The following TAFA1 variants were observed in gnomAD, a reference collection of about 807,000 sequenced individuals.
The protein encoded by TAFA1 is chemokine-like protein TAFA-1.
TAFA1 carries 4 observed loss-of-function variants against 18.5 expected under a neutral mutation model. That is an observed-to-expected ratio of 0.22 (90% CI 0.11 to 0.49). The LOEUF (loss-of-function observed/expected upper bound fraction) is 0.49, where lower values mean the gene tolerates loss of function less well. Among genes scored for constraint, TAFA1 ranks in the 20% least tolerant of loss-of-function variants. The pLI, the probability that TAFA1 is intolerant of heterozygous loss-of-function variation, is 0.98. For missense variants in TAFA1, 147 were observed against 169.0 expected (o/e 0.87, Z 0.72); for synonymous variants, 56 against 55.2 (o/e 1.01, Z -0.06).
intron 2 of TAFA1, among the ~76,000 whole-genome samples, chr3:68,306,431 C>T (rs1055194146): frequency 7.9e-5 from 12 of 152,102 alleles, no homozygotes; most frequent in Non-Finnish European, 1.8e-4. Flanking sequence ...GCATGCTACC[C>T]TAGAGGGTTT....
chr3:68,323,846 T>A (rs1289366159), intron 2 of TAFA1, among the ~76,000 whole-genome samples: 1 of 152,216 alleles, frequency 6.6e-6, no homozygotes, highest in Non-Finnish European at 1.5e-5. Flanking sequence ...TTTTATGTTG[T>A]GTTCCACGTT....
chr3:68,196,048 G>A (rs1026025405), intron 2 of TAFA1, among the ~76,000 whole-genome samples: 2 of 151,688 alleles, frequency 1.3e-5, no homozygotes, highest in South Asian at 2.1e-4. Flanking sequence ...TAGAAAATGG[G>A]CCACAGATCA....
intron 3 of TAFA1, among the ~76,000 whole-genome samples, chr3:68,526,116 T>C (rs1292268508): frequency 6.6e-6 from 1 of 152,198 alleles, no homozygotes; most frequent in Admixed American, 6.5e-5. Flanking sequence ...TCAATTTGTA[T>C]AGATCTGAAG....
chr3:68,177,894 C>T (rs1466446867), intron 2 of TAFA1, among the ~76,000 whole-genome samples: 1 of 152,160 alleles, frequency 6.6e-6, no homozygotes, highest in Non-Finnish European at 1.5e-5. Flanking sequence ...CCTGTAATCC[C>T]AGCCCTTTGG....
intron 2 of TAFA1, among the ~76,000 whole-genome samples, chr3:68,278,934 G>A (rs2067846390): frequency 6.6e-6 from 1 of 152,102 alleles, no homozygotes; most frequent in Non-Finnish European, 1.5e-5. Flanking sequence ...ATGTATATAT[G>A]AATCACTGGA....
chr3:68,102,953 G>A (rs950071029), intron 2 of TAFA1, among the ~76,000 whole-genome samples: 3 of 152,186 alleles, frequency 2.0e-5, no homozygotes, highest in Non-Finnish European at 4.4e-5. Flanking sequence ...GAGACCCTAG[G>A]ATTCTCAGCA....
At chr3:68,130,064 A>G (rs1473219680) in intron 2 of TAFA1, among the ~76,000 whole-genome samples, 1 of 152,112 alleles carries the variant, frequency 6.6e-6, no homozygotes, top group Non-Finnish European at 1.5e-5. Context: ...AAAGGTTTTT[A>G]TTTTATTTAA....
chr3:68,150,246 G>T (rs1248095529), intron 2 of TAFA1, among the ~76,000 whole-genome samples: 1 of 152,144 alleles, frequency 6.6e-6, no homozygotes, highest in East Asian at 1.9e-4. Flanking sequence ...AATGAAGCTG[G>T]TTTGCAGTTC....
chr3:68,011,859 T>C (rs1018329387), intron 2 of TAFA1, among the ~76,000 whole-genome samples: 2 of 152,204 alleles, frequency 1.3e-5, no homozygotes, highest in African/African-American at 4.8e-5. Flanking sequence ...CCCTATAATA[T>C]CAAAGCCAAA....
chr3:68,392,244 A>G (rs573922189), intron 2 of TAFA1, among the ~76,000 whole-genome samples: 428 of 152,178 alleles, frequency 2.8e-3, no homozygotes, highest in Non-Finnish European at 5.5e-3. Context: ...TTCAACCAAC[A>G]AAGATCAAAA....
intron 2 of TAFA1, among the ~76,000 whole-genome samples, chr3:68,130,810 T>C (rs775924094): frequency 6.6e-6 from 1 of 152,204 alleles, no homozygotes; most frequent in African/African-American, 2.4e-5. Context: ...TAGGAATGGC[T>C]CCTTCCCATC....
intron 3 of TAFA1, among the ~76,000 whole-genome samples, chr3:68,448,935 G>A (rs1559674559): frequency 1.3e-5 from 2 of 152,094 alleles, no homozygotes; most frequent in South Asian, 2.1e-4. Flanking sequence ...TGTTAGAGAA[G>A]CAGCCACAAG....
At chr3:68,511,212 A>G (rs961621603) in intron 3 of TAFA1, among the ~76,000 whole-genome samples, 4 of 152,190 alleles carry the variant, frequency 2.6e-5, no homozygotes, top group Non-Finnish European at 5.9e-5. Flanking sequence ...AACATATAGT[A>G]TAAATATCTG....
intron 3 of TAFA1, among the ~76,000 whole-genome samples, chr3:68,440,482 A>G (rs2071356468): frequency 6.6e-6 from 1 of 152,166 alleles, no homozygotes; most frequent in Non-Finnish European, 1.5e-5. Flanking sequence ...TGTTTTTAAC[A>G]AAAGGAGGAG....
At chr3:68,200,463 G>A (rs1490714318) in intron 2 of TAFA1, among the ~76,000 whole-genome samples, 4 of 151,506 alleles carry the variant, frequency 2.6e-5, no homozygotes, top group South Asian at 2.1e-4. Context: ...ATTGAAGCCT[G>A]GTGCTTTCTG....
At chr3:68,254,179 A>G (rs549714750) in intron 2 of TAFA1, among the ~76,000 whole-genome samples, 3 of 150,652 alleles carry the variant, frequency 2.0e-5, no homozygotes, top group South Asian at 4.2e-4. Flanking sequence ...CTATCTATCT[A>G]TCTATCTAAT....
intron 2 of TAFA1, among the ~76,000 whole-genome samples, chr3:68,359,469 A>G (rs947349117): frequency 5.9e-5 from 9 of 152,030 alleles, no homozygotes; most frequent in African/African-American, 2.2e-4. Context: ...AGGGATGCAG[A>G]AGAAAAGAAT....
intron 3 of TAFA1, among the ~76,000 whole-genome samples, chr3:68,474,228 A>T (rs1019342611): frequency 4.6e-5 from 7 of 152,142 alleles, no homozygotes; most frequent in African/African-American, 1.4e-4. Context: ...AGTTACTAAG[A>T]TTACTCAGGA....
At chr3:68,401,348 A>T (rs17830081) in intron 2 of TAFA1, among the ~76,000 whole-genome samples, 63,672 of 152,032 alleles carry the variant, frequency 0.42, 13,864 homozygotes, top group Non-Finnish European at 0.45. Context: ...AATTTTCCTG[A>T]TACTTTGAAT....
Sources: allele counts gnomAD v4.1 joint callset (sites outside exome capture counted in the v4.1 genomes callset), GRCh38; gene constraint gnomAD v4.1.1; transcripts MANE v1.5; gene names NCBI Gene and HGNC (gene_info 2026-07-23, HGNC 2026-07-21).